The following GRPR variants were observed in gnomAD, a reference collection of about 807,000 sequenced individuals.
GRPR encodes the protein gastrin releasing peptide receptor, also known as gastrin-releasing peptide receptor.
GRPR carries 4 observed loss-of-function variants against 15.6 expected under a neutral mutation model. The observed-to-expected ratio is 0.26, with a 90% confidence interval of 0.13 to 0.59. GRPR has a LOEUF of 0.59. Ranked by LOEUF, GRPR falls within the 20% of genes least tolerant of loss-of-function variation. The probability of loss-of-function intolerance (pLI) is 0.90; values close to 1 mark genes in which losing one functional copy is unlikely to be tolerated. For missense variants in GRPR, 270 were observed against 304.1 expected (o/e 0.89, Z 0.83); for synonymous variants, 128 against 126.8 (o/e 1.01, Z -0.06).
At chrX:16,148,369 G>A (rs1415460157) in intron 1 of GRPR, among the ~76,000 whole-genome samples, 1 of 111,336 alleles carries the variant, frequency 9.0e-6, no homozygotes, top group African/African-American at 3.3e-5. Context: ...AATCCTCCCT[G>A]AGCCCAATGC....
intron 1 of GRPR, among the ~76,000 whole-genome samples, chrX:16,126,847 C>T (rs1462000230): frequency 8.9e-6 from 1 of 111,790 alleles, no homozygotes; most frequent in Non-Finnish European, 1.9e-5. Flanking sequence ...CTTCTAATAC[C>T]GATGGACACT....
At chrX:16,128,241 G>A (rs776828961) in intron 1 of GRPR, among the ~76,000 whole-genome samples, 3 of 112,399 alleles carry the variant, frequency 2.7e-5, no homozygotes, top group Non-Finnish European at 5.6e-5. Context: ...TTGGCCGGGC[G>A]CAGTGGCTCG....
At chrX:16,144,691 T>C (rs1922579752) in intron 1 of GRPR, among the ~76,000 whole-genome samples, 1 of 111,781 alleles carries the variant, frequency 8.9e-6, no homozygotes, top group Admixed American at 9.5e-5. Context: ...TTCCAATGTT[T>C]GTATAAGAAA....
In GRPR at chrX:16,125,399, A is replaced by G. The variant is rs372016437; in HGVS notation, c.413+1033A>G. Among the ~76,000 whole-genome samples the G allele has an allele frequency of 7.1e-5, 8 of 112,400 alleles. No homozygotes were observed. The South Asian group carries it at 3.0e-3, about 42-fold the overall frequency. On this transcript the variant is annotated intron_variant, in intron 1 of 2. Coordinates refer to ENST00000380289, the MANE Select transcript of GRPR (RefSeq NM_005314.3). ...AAACCCAGAAAAACTGCTGCAATGAACCTAGACTATAAATTTTTCACTTAT... is the reference window on the plus strand; with the variant it reads ...AAACCCAGAAAAACTGCTGCAATGAGCCTAGACTATAAATTTTTCACTTAT...
At chrX:16,131,777 A>G (rs1037539553) in intron 1 of GRPR, among the ~76,000 whole-genome samples, 2 of 112,214 alleles carry the variant, frequency 1.8e-5, no homozygotes, top group East Asian at 5.6e-4. Context: ...GAAGGATTCC[A>G]TTGTATGGAT....
At position 16,152,662 on chromosome X, in the gene GRPR, G is replaced by A. The variant is rs758681341; in HGVS notation, c.*17G>A. 1.3e-5 allele frequency: 15 copies of A among 1,188,353 alleles called. No individual in the cohort carries two copies. The highest frequency in any genetic ancestry group is 1.7e-5 in the Non-Finnish European group (15 of 876,923). On this transcript the variant is annotated 3_prime_UTR_variant, in exon 3 of 3. Coordinates refer to ENST00000380289, the MANE Select transcript of GRPR (RefSeq NM_005314.3). ...TATGTCTAGATTGACCCTTGATTTTGCCCCCTGAGGGACGGTTTTGCTTTA... is the reference window on the plus strand; with the variant it reads ...TATGTCTAGATTGACCCTTGATTTTACCCCCTGAGGGACGGTTTTGCTTTA...
Position 16,123,934 on chromosome X carries a change from G to A in GRPR, c.-20G>A. 2 of 1,198,267 alleles carry A rather than the reference G, an allele frequency of 1.7e-6. No homozygotes were observed. Among genetic ancestry groups the A allele is most frequent in the South Asian group, 3.5e-5 (2 of 56,696 alleles). ...AAATAGCATCTAAGGGAACTTTTAGGTGGGAAAAAAAATCTAGAGATGGCT... is the reference window on the plus strand; with the variant it reads ...AAATAGCATCTAAGGGAACTTTTAGATGGGAAAAAAAATCTAGAGATGGCT... On this transcript the variant is annotated 5_prime_UTR_variant, in exon 1 of 3. It adds an upstream start codon to the 5' untranslated region. Transcript: ENST00000380289.
At chrX:16,141,596 G>A (rs1348950809) in intron 1 of GRPR, among the ~76,000 whole-genome samples, 1 of 112,027 alleles carries the variant, frequency 8.9e-6, no homozygotes, top group Non-Finnish European at 1.9e-5. Flanking sequence ...ACTGCAAGGC[G>A]TGTATATGGG....
intron 1 of GRPR, among the ~76,000 whole-genome samples, chrX:16,146,891 T>G (rs1434530397): frequency 8.9e-6 from 1 of 112,263 alleles, no homozygotes; most frequent in Non-Finnish European, 1.9e-5. Context: ...CTAAAAAACA[T>G]TGGTTCTAAA....
chrX:16,146,740 ATATGCTCC>A (rs1471734319), intron 1 of GRPR, among the ~76,000 whole-genome samples: 1 of 111,958 alleles, frequency 8.9e-6, no homozygotes, highest in East Asian at 2.8e-4. Flanking sequence ...AAATAGACTG[ATATGCTCC>A]ATGCTATACA....
At chrX:16,129,727 A>C (rs1922349437) in intron 1 of GRPR, among the ~76,000 whole-genome samples, 1 of 111,656 alleles carries the variant, frequency 9.0e-6, no homozygotes, top group Non-Finnish European at 1.9e-5. Context: ...TGGGGAATTT[A>C]GGCATCCCAT....
chrX:16,127,472 C>T (rs1922311118), intron 1 of GRPR, among the ~76,000 whole-genome samples: 1 of 111,155 alleles, frequency 9.0e-6, no homozygotes, highest in Non-Finnish European at 1.9e-5. Context: ...TGCTTTCTGT[C>T]CTTACACACA....
At position 16,143,995 on chromosome X, in the gene GRPR, A is replaced by G. The variant is rs779509448; in HGVS notation, c.414-6310A>G. On this transcript the variant is annotated intron_variant, in intron 1 of 2. Transcript: ENST00000380289. ...GTTGGGAGAATCACCATTAGGAACT[A>G]CATCTCTTGATCCCAGGTCTGCATT... is the stretch of plus-strand genomic sequence containing the variant. 1.2e-4 allele frequency among the ~76,000 whole-genome samples: 13 copies of G among 112,307 alleles called. 1 individual carries two copies. Among genetic ancestry groups the G allele is most frequent in the East Asian group, 5.5e-4 (2 of 3,612 alleles).
chrX:16,130,914 G>A (rs1042845459), intron 1 of GRPR, among the ~76,000 whole-genome samples: 3 of 112,422 alleles, frequency 2.7e-5, no homozygotes, highest in African/African-American at 9.7e-5. Context: ...CAGCCTCTGG[G>A]AATGATGAGA....
At chrX:16,144,400 G>A (rs776871589) in intron 1 of GRPR, among the ~76,000 whole-genome samples, 6 of 111,636 alleles carry the variant, frequency 5.4e-5, no homozygotes, top group African/African-American at 2.0e-4. Context: ...TTTAATTATC[G>A]TCTTCACCTC....
chrX:16,125,164 T>G (rs1206637147), intron 1 of GRPR, among the ~76,000 whole-genome samples: 1 of 112,629 alleles, frequency 8.9e-6, no homozygotes, highest in Non-Finnish European at 1.9e-5. Context: ...GCATAAAAGT[T>G]TACGTTTATT....
At chrX:16,147,461 A>G (rs186459104) in intron 1 of GRPR, among the ~76,000 whole-genome samples, 1 of 111,574 alleles carries the variant, frequency 9.0e-6, no homozygotes, top group Admixed American at 9.5e-5. Context: ...CTCATTTTCT[A>G]TGCCATATAT....
rs191364242 is a variant in GRPR at position 16,153,164 on chromosome X, G to T, written c.*519G>T. The stretch of plus-strand genomic sequence containing the variant: ...ACTCCTAATATGAAAAGTCAATCCT[G>T]TGAGAGAGCTCCATGTATGAGGGAC... On this transcript the variant is annotated 3_prime_UTR_variant, in exon 3 of 3. Transcript: ENST00000380289. 6 of 119,068 alleles carry T rather than the reference G, an allele frequency of 5.0e-5. No homozygotes were observed. Among genetic ancestry groups the T allele is most frequent in the African/African-American group, 1.9e-4 (6 of 31,101 alleles). The allele number at this position is 119,068 out of a possible 1,213,427, so 9.8% of individuals were successfully genotyped here.
chrX:16,152,161 CCTTTCT>C (rs1922718103), intron 2 of GRPR, 89 bp from the exon 3 acceptor site: 4 of 797,007 alleles, frequency 5.0e-6, no homozygotes, highest in South Asian at 4.1e-5. Context: ...ATTGTTTTTC[CCTTTCT>C]CTTTCTCTGC....
Sources: gnomAD v4.1 joint callset for allele counts (sites outside exome capture counted in the v4.1 genomes callset) on GRCh38, gnomAD v4.1.1 for gene constraint, MANE v1.5 for transcripts, NCBI Gene and HGNC (gene_info 2026-07-23, HGNC 2026-07-21) for gene names.